The following RCL1 variants were observed in gnomAD, a reference collection of about 807,000 sequenced individuals.
RCL1 encodes the protein RNA 3'-terminal phosphate cyclase-like protein.
RCL1 carries 24 observed loss-of-function variants against 42.4 expected under a neutral mutation model. That is an observed-to-expected ratio of 0.57 (90% CI 0.41 to 0.80). RCL1 has a LOEUF of 0.80. Among genes scored for constraint, RCL1 ranks in the 30% least tolerant of loss-of-function variants. The probability of loss-of-function intolerance (pLI) is 0.00; values close to 1 mark genes in which losing one functional copy is unlikely to be tolerated. For synonymous variants in RCL1, 228 were observed against 177.3 expected (o/e 1.29, Z -2.27); for missense variants, 578 against 467.9 (o/e 1.24, Z -2.17).
At chr9:4,795,124 C>G (rs539234363) in intron 1 of RCL1, among the ~76,000 whole-genome samples, 4 of 152,156 alleles carry the variant, frequency 2.6e-5, no homozygotes, top group African/African-American at 9.6e-5. Context: ...GTCTCCCAGG[C>G]TGGAGTGCCG....
At chr9:4,820,269 C>T (rs912499514) in intron 1 of RCL1, among the ~76,000 whole-genome samples, 6 of 152,200 alleles carry the variant, frequency 3.9e-5, no homozygotes, top group African/African-American at 1.4e-4. Context: ...GAATTCTACA[C>T]AGGTTGGCCT....
intron 1 of RCL1, among the ~76,000 whole-genome samples, chr9:4,816,452 C>G (rs936600306): frequency 6.6e-6 from 1 of 152,128 alleles, no homozygotes; most frequent in Non-Finnish European, 1.5e-5. Flanking sequence ...ATTTGCCATT[C>G]TTTTTAAAAT....
Position 4,844,684 on chromosome 9 carries a change from A to C in RCL1, c.867+3A>C. 1 of 1,611,444 alleles carries C rather than the reference A, an allele frequency of 6.2e-7. No individual in the cohort carries two copies. Among genetic ancestry groups the C allele is most frequent in the Non-Finnish European group, 8.5e-7 (1 of 1,179,204 alleles). On this transcript the variant is annotated splice_donor_region_variant and intron_variant, in intron 7 of 8. Coordinates refer to ENST00000381750, the MANE Select transcript of RCL1 (RefSeq NM_005772.5). Reference sequence around the variant, plus strand: ...TGCTGCTGGAGGAAATCTACAGGGTATGTCCACAGCTTCCTCTGATAGAGG... The same window carrying C: ...TGCTGCTGGAGGAAATCTACAGGGTCTGTCCACAGCTTCCTCTGATAGAGG...
intron 8 of RCL1, among the ~76,000 whole-genome samples, chr9:4,857,529 T>G (rs1276315416): frequency 2.0e-5 from 3 of 152,246 alleles, no homozygotes; most frequent in Non-Finnish European, 4.4e-5. Flanking sequence ...ACATTTGGGT[T>G]GCTTCTACGT....
intron 5 of RCL1, among the ~76,000 whole-genome samples, chr9:4,838,653 C>T (rs180864371): frequency 4.6e-4 from 70 of 152,170 alleles, no homozygotes; most frequent in African/African-American, 1.6e-3. Context: ...AGTGGGAGTC[C>T]CATATGGACT....
intron 5 of RCL1, 139 bp from the exon 6 acceptor site, chr9:4,841,093 C>G (rs1056205189): frequency 1.2e-6 from 1 of 846,398 alleles, no homozygotes; most frequent in Non-Finnish European, 1.9e-6. Context: ...GGTACTAATT[C>G]AGTAAATTCA....
chr9:4,845,135 A>G (rs1223867547), intron 7 of RCL1, among the ~76,000 whole-genome samples: 1 of 152,246 alleles, frequency 6.6e-6, no homozygotes, highest in Non-Finnish European at 1.5e-5. Flanking sequence ...ATATAAAACA[A>G]TAGCAACAGG....
At chr9:4,813,753 G>C (rs1239444428) in intron 1 of RCL1, among the ~76,000 whole-genome samples, 1 of 152,194 alleles carries the variant, frequency 6.6e-6, no homozygotes, top group Non-Finnish European at 1.5e-5. Context: ...GTTTATTGCG[G>C]CACTATTCAC....
chr9:4,834,392 TAAC>T (rs1817052249), intron 5 of RCL1, 127 bp downstream of exon 5: 1 of 1,149,700 alleles, frequency 8.7e-7, no homozygotes, highest in East Asian at 2.9e-5. Flanking sequence ...TGAAAAGTCT[TAAC>T]AGTGAAATTG....
intron 8 of RCL1, among the ~76,000 whole-genome samples, chr9:4,858,784 C>T (rs1818051050): frequency 6.6e-6 from 1 of 152,112 alleles, no homozygotes; most frequent in African/African-American, 2.4e-5. Flanking sequence ...GAGAGTTTGG[C>T]TGGTTTGATT....
At chr9:4,850,458 G>A in intron 8 of RCL1, 1 of 293,680 alleles carries the variant, frequency 3.4e-6, no homozygotes, top group Non-Finnish European at 7.6e-6. Context: ...AAAACCAGGA[G>A]CTTGAAATAA....
chr9:4,809,338 T>A (rs1310879700), intron 1 of RCL1, among the ~76,000 whole-genome samples: 1 of 151,600 alleles, frequency 6.6e-6, no homozygotes, highest in Non-Finnish European at 1.5e-5. Flanking sequence ...TTAAATGGAG[T>A]CTTGCTCTGT....
intron 7 of RCL1, among the ~76,000 whole-genome samples, chr9:4,848,592 C>G (rs1296722929): frequency 1.3e-5 from 2 of 152,186 alleles, no homozygotes; most frequent in Non-Finnish European, 2.9e-5. Context: ...CAAGGTCATC[C>G]TTCTTTGACT....
chr9:4,819,200 T>C (rs1053637773), intron 1 of RCL1, among the ~76,000 whole-genome samples: 2 of 152,256 alleles, frequency 1.3e-5, no homozygotes, highest in East Asian at 1.9e-4. Context: ...AGGATGAAAC[T>C]GTTCCACCTC....
chr9:4,845,349 TG>T (rs1379200442), intron 7 of RCL1, among the ~76,000 whole-genome samples: 1 of 152,242 alleles, frequency 6.6e-6, no homozygotes, highest in African/African-American at 2.4e-5. Flanking sequence ...GTTGTCATTT[TG>T]CTTCTGCAGG....
intron 1 of RCL1, among the ~76,000 whole-genome samples, chr9:4,816,223 A>G (rs1816371412): frequency 6.6e-6 from 1 of 152,074 alleles, no homozygotes; most frequent in Non-Finnish European, 1.5e-5. Flanking sequence ...TTGTTGATTC[A>G]TTGGTATATT....
intron 1 of RCL1, among the ~76,000 whole-genome samples, chr9:4,806,325 G>A (rs891926350): frequency 1.9e-4 from 29 of 152,024 alleles, no homozygotes; most frequent in Non-Finnish European, 1.2e-4. Flanking sequence ...ATCTTAGGGG[G>A]AAAGCATCCC....
At chr9:4,826,152 A>C (rs1397264499) in intron 2 of RCL1, among the ~76,000 whole-genome samples, 1 of 152,020 alleles carries the variant, frequency 6.6e-6, no homozygotes, top group East Asian at 1.9e-4. Context: ...GGAGGCTGAG[A>C]TGGGAGGATT....
At chr9:4,804,743 G>A in intron 1 of RCL1, 1 of 186,052 alleles carries the variant, frequency 5.4e-6, no homozygotes. Flanking sequence ...ACGCCAGCGA[G>A]GACACGGTGG....
Sources: allele counts gnomAD v4.1 joint callset (sites outside exome capture counted in the v4.1 genomes callset), GRCh38; gene constraint gnomAD v4.1.1; transcripts MANE v1.5; gene names NCBI Gene and HGNC (gene_info 2026-07-23, HGNC 2026-07-21).